Variants in SOBP observed in about 807,000 individuals in gnomAD.
The protein encoded by SOBP is sine oculis binding protein homolog, also known as sine oculis-binding protein homolog.
Under a neutral mutation model 53.6 loss-of-function variants are expected in SOBP, and 4 were observed. The ratio of observed to expected loss-of-function variants is 0.07; its 90% CI spans 0.04 to 0.17. SOBP has a LOEUF of 0.17. Ranked by LOEUF, SOBP falls within the 10% of genes least tolerant of loss-of-function variation. The probability of loss-of-function intolerance (pLI) is 1.00; values close to 1 mark genes in which losing one functional copy is unlikely to be tolerated. For missense variants in SOBP, 1,088 were observed against 1,204.7 expected (o/e 0.90, Z 1.43); for synonymous variants, 584 against 522.6 (o/e 1.12, Z -1.60).
At chr6:107,511,798 A>G (rs898935319) in intron 3 of SOBP, 2 of 152,132 alleles carry the variant, frequency 1.3e-5, no homozygotes, top group Non-Finnish European at 2.9e-5. Flanking sequence ...TGCTCTGGCC[A>G]CACATGTGTG....
intron 5 of SOBP, among the ~76,000 whole-genome samples, chr6:107,613,860 A>G (rs573875416): frequency 2.7e-4 from 41 of 152,226 alleles, no homozygotes; most frequent in Non-Finnish European, 4.3e-4. Context: ...GGACTCCTGG[A>G]TATATCATAT....
intron 3 of SOBP, among the ~76,000 whole-genome samples, chr6:107,522,637 AG>A (rs1783547327): frequency 7.3e-6 from 1 of 136,386 alleles, no homozygotes; most frequent in South Asian, 2.3e-4. Context: ...GACCTCCCTG[AG>A]CTCAGGTGAT....
At chr6:107,586,981 G>A in intron 4 of SOBP, 99 bp from the exon 5 acceptor site, 3 of 887,372 alleles carry the variant, frequency 3.4e-6, no homozygotes, top group Non-Finnish European at 5.7e-6. Flanking sequence ...TGTTATTTCT[G>A]GATTCCCGTT....
intron 5 of SOBP, among the ~76,000 whole-genome samples, chr6:107,603,197 T>C (rs1229468071): frequency 2.0e-5 from 3 of 152,246 alleles, no homozygotes; most frequent in African/African-American, 7.2e-5. Context: ...TTTTGTGTGC[T>C]GTTTTCCCTG....
intron 5 of SOBP, among the ~76,000 whole-genome samples, chr6:107,627,088 C>T (rs979737033): frequency 6.6e-6 from 1 of 152,166 alleles, no homozygotes; most frequent in Non-Finnish European, 1.5e-5. Flanking sequence ...TTTTTAGTTT[C>T]CATCTGGATG....
intron 3 of SOBP, among the ~76,000 whole-genome samples, chr6:107,506,917 T>C (rs1417823999): frequency 2.6e-5 from 4 of 151,670 alleles, no homozygotes; most frequent in African/African-American, 9.7e-5. Context: ...ATTAGTTAGG[T>C]GTGGTGGCGG....
chr6:107,575,758 C>T (rs73516984), intron 4 of SOBP, among the ~76,000 whole-genome samples: 3,518 of 152,170 alleles, frequency 0.023, 131 homozygotes, highest in African/African-American at 0.081. Flanking sequence ...GACAGGGTGA[C>T]AGAGGAGCAA....
At chr6:107,495,541 T>G (rs1339522233) in intron 1 of SOBP, among the ~76,000 whole-genome samples, 3 of 152,096 alleles carry the variant, frequency 2.0e-5, no homozygotes, top group African/African-American at 7.2e-5. Flanking sequence ...TAGAAGAAAA[T>G]GAGTCTGACA....
At position 107,490,391 on chromosome 6, in the gene SOBP, C is replaced by T. The variant is rs1782545076; in HGVS notation, c.-226C>T. On this transcript the variant is annotated 5_prime_UTR_variant, in exon 1 of 7. Transcript: ENST00000317357. ...CGGCGGCGGCATCCCCGAGACTCTC[C>T]GCACTATCCTTACCCGTGACAGCCA... 5.3e-6 allele frequency: 2 copies of T among 375,092 alleles called. No homozygotes were observed. Among genetic ancestry groups the T allele is most frequent in the South Asian group, 5.5e-5 (2 of 36,582 alleles). The allele number at this position is 375,092 out of a possible 1,614,324, so 23.2% of individuals were successfully genotyped here. A position where few individuals can be genotyped will look rare whatever the true frequency, so the allele number is the denominator to read the frequency against.
At chr6:107,574,340 A>G (rs1785162868) in intron 4 of SOBP, among the ~76,000 whole-genome samples, 1 of 152,202 alleles carries the variant, frequency 6.6e-6, no homozygotes, top group Non-Finnish European at 1.5e-5. Context: ...ATCAAAGAAT[A>G]ACAGCTTTCT....
chr6:107,649,033 A>G (rs752692828), intron 6 of SOBP, among the ~76,000 whole-genome samples: 1 of 151,766 alleles, frequency 6.6e-6, no homozygotes, highest in Non-Finnish European at 1.5e-5. Flanking sequence ...TTAAAAATTA[A>G]CTGGGCATGC....
At chr6:107,538,723 TAGCAAACGGGTGTTCTCAG>T (rs1280638307) in intron 4 of SOBP, among the ~76,000 whole-genome samples, 19 of 152,308 alleles carry the variant, frequency 1.2e-4, no homozygotes, top group African/African-American at 4.6e-4. Context: ...CTTTTGGTCA[TAGCAAACGGGTGTTCTCAG>T]AAAGCTCTGG....
intron 5 of SOBP, among the ~76,000 whole-genome samples, chr6:107,607,721 A>G (rs150225421): frequency 9.8e-5 from 15 of 152,342 alleles, no homozygotes; most frequent in African/African-American, 3.6e-4. Context: ...TGCACATGCA[A>G]TATAATCAGT....
intron 4 of SOBP, among the ~76,000 whole-genome samples, chr6:107,560,343 CTG>C (rs1358923595): frequency 6.6e-6 from 1 of 152,126 alleles, no homozygotes; most frequent in African/African-American, 2.4e-5. Context: ...TGTTACAGGA[CTG>C]TGTGAAGCCA....
rs1456492566 is a variant in SOBP at position 107,634,842 on chromosome 6, C to G, written c.1998C>G (p.Asn666Lys). ...TGGGCCACCGAGCCCGGCTGCACAA[C>G]GTGATCCACCGCGCGCTGCACGCGC... ...LTVGHRARLH[N>K]VIHRALHAHV... The change falls in exon 6 of 7, where the codon AAC (asparagine) becomes AAG (lysine). Residue 666 changes from asparagine to lysine, a missense_variant. Asn to Lys is a moderately conservative substitution (Grantham distance 94, BLOSUM62 0). Around this residue, in one of 6 missense-constraint regions of SOBP, gnomAD observed 665 missense variants for 629.7 expected, o/e 1.06. Transcript: ENST00000317357. This position sits in a 1 kb window ranked among gnomAD's most constrained non-coding sequence, Gnocchi z 4.5. The G allele has an allele frequency of 1.7e-5, 24 of 1,402,062 alleles. No homozygotes were observed. Among genetic ancestry groups the G allele is most frequent in the Admixed American group, 7.5e-5 (3 of 39,892 alleles). The allele number at this position is 1,402,062 out of a possible 1,614,324, so 86.9% of individuals were successfully genotyped here. A position where few individuals can be genotyped will look rare whatever the true frequency, so the allele number is the denominator to read the frequency against.
chr6:107,657,347 C>G (rs1273890888), intron 6 of SOBP, among the ~76,000 whole-genome samples: 1 of 152,162 alleles, frequency 6.6e-6, no homozygotes, highest in Non-Finnish European at 1.5e-5. Context: ...GAGCCTCTGC[C>G]CTGGGACCCC....
chr6:107,516,950 C>G (rs1488200624), intron 3 of SOBP, among the ~76,000 whole-genome samples: 12 of 152,030 alleles, frequency 7.9e-5, no homozygotes, highest in Non-Finnish European at 1.8e-4. Flanking sequence ...CTAAATTGAT[C>G]TATATATTTA....
At chr6:107,512,460 T>C (rs116878897) in intron 3 of SOBP, among the ~76,000 whole-genome samples, 2,275 of 152,348 alleles carry the variant, frequency 0.015, 29 homozygotes, top group Middle Eastern at 0.041. Flanking sequence ...CCTCCAAGTT[T>C]GATGATTGAG....
At chr6:107,654,840 A>G (rs2114255613) in intron 6 of SOBP, among the ~76,000 whole-genome samples, 1 of 148,046 alleles carries the variant, frequency 6.8e-6, no homozygotes, top group South Asian at 2.2e-4. Flanking sequence ...GTGGCTGAGG[A>G]ACAGTAGAAG....
Sources: allele counts gnomAD v4.1 joint callset (sites outside exome capture counted in the v4.1 genomes callset), GRCh38; gene constraint gnomAD v4.1.1; regional missense constraint gnomAD v4.1.1; non-coding constraint Gnocchi (gnomAD v3.1); transcripts MANE v1.5; gene names NCBI Gene and HGNC (gene_info 2026-07-23, HGNC 2026-07-21).